Variants in TMED8 observed in about 807,000 individuals in gnomAD.
TMED8 encodes protein TMED8.
In TMED8, 15 loss-of-function variants were observed where a neutral mutation model predicts 32.7. The ratio of observed to expected loss-of-function variants is 0.46; its 90% CI spans 0.31 to 0.71. The LOEUF is 0.71. Ranked by LOEUF, TMED8 falls within the 30% of genes least tolerant of loss-of-function variation. The pLI, the probability that TMED8 is intolerant of heterozygous loss-of-function variation, is 0.06. For missense variants in TMED8, 390 were observed against 423.9 expected (o/e 0.92, Z 0.70); for synonymous variants, 147 against 161.4 (o/e 0.91, Z 0.68).
In TMED8 at chr14:77,351,766, A is replaced by G. The variant is rs1893185575; in HGVS notation, c.119-15T>C. On this transcript the variant is annotated splice_polypyrimidine_tract_variant and intron_variant, in intron 1 of 5. Transcript: ENST00000216468. Reference sequence around the variant, plus strand: ...ATCTTCATTCTCTAGAAAACCATAGAAAGAAAGAATTCAATATCTGAGAGG... The same window carrying G: ...ATCTTCATTCTCTAGAAAACCATAGGAAGAAAGAATTCAATATCTGAGAGG... 12 of 1,599,146 alleles carry G rather than the reference A, an allele frequency of 7.5e-6. No homozygotes were observed. The highest frequency in any genetic ancestry group is 1.7e-4 in the Middle Eastern group (1 of 5,984).
At chr14:77,352,409 C>T (rs1893200272) in intron 1 of TMED8, among the ~76,000 whole-genome samples, 2 of 134,024 alleles carry the variant, frequency 1.5e-5, no homozygotes, top group South Asian at 2.4e-4. Context: ...AGCAAAACTC[C>T]GTCTCAAAAA....
chr14:77,353,419 A>G (rs1287667828), intron 1 of TMED8, among the ~76,000 whole-genome samples: 6 of 144,664 alleles, frequency 4.1e-5, no homozygotes, highest in African/African-American at 1.5e-4. Context: ...AACAAGATCT[A>G]TTTTTCTTTT....
intron 1 of TMED8, among the ~76,000 whole-genome samples, chr14:77,367,489 T>C (rs1194959355): frequency 6.6e-6 from 1 of 152,076 alleles, no homozygotes; most frequent in Non-Finnish European, 1.5e-5. Flanking sequence ...CCTTGCTTTC[T>C]TTATAGCTGG....
chr14:77,361,603 T>C (rs1893436964), intron 1 of TMED8, among the ~76,000 whole-genome samples: 1 of 152,246 alleles, frequency 6.6e-6, no homozygotes, highest in African/African-American at 2.4e-5. Flanking sequence ...CTGTGAAGAA[T>C]GTCATTAGAA....
At chr14:77,354,886 A>G (rs1893256822) in intron 1 of TMED8, among the ~76,000 whole-genome samples, 2 of 152,056 alleles carry the variant, frequency 1.3e-5, no homozygotes, top group South Asian at 4.2e-4. Context: ...CCCTGGAGGA[A>G]GAGGTTGCAG....
At chr14:77,373,903 C>T (rs948363765) in intron 1 of TMED8, among the ~76,000 whole-genome samples, 1 of 152,182 alleles carries the variant, frequency 6.6e-6, no homozygotes, top group African/African-American at 2.4e-5. Flanking sequence ...CCTCCCGTCT[C>T]TCTCTCTCTC....
At chr14:77,363,356 C>T (rs532216827) in intron 1 of TMED8, among the ~76,000 whole-genome samples, 1 of 152,270 alleles carries the variant, frequency 6.6e-6, no homozygotes, top group South Asian at 2.1e-4. Flanking sequence ...TGCTCCTGAA[C>T]AACCAATAGA....
intron 1 of TMED8, among the ~76,000 whole-genome samples, chr14:77,361,274 G>A (rs191339804): frequency 8.5e-5 from 13 of 152,198 alleles, no homozygotes; most frequent in Admixed American, 6.5e-4. Flanking sequence ...GAGCCACCAC[G>A]CCCGGCCCAT....
At chr14:77,342,968 C>T (rs148467857) in intron 5 of TMED8, among the ~76,000 whole-genome samples, 66 of 152,190 alleles carry the variant, frequency 4.3e-4, no homozygotes, top group African/African-American at 1.4e-3. Context: ...AATGAGGTAC[C>T]GATAAGGAAA....
At chr14:77,360,406 C>CTT (rs936317278) in intron 1 of TMED8, among the ~76,000 whole-genome samples, 1 of 144,736 alleles carries the variant, frequency 6.9e-6, no homozygotes, top group Non-Finnish European at 1.5e-5. Flanking sequence ...GTGTACTTGA[C>CTT]TTTTTTTTTT....
intron 2 of TMED8, among the ~76,000 whole-genome samples, chr14:77,349,639 G>C (rs895737826): frequency 1.3e-5 from 2 of 152,110 alleles, no homozygotes; most frequent in African/African-American, 4.8e-5. Context: ...GTTTTCTGCT[G>C]AGAGGTTTCT....
Position 77,335,752 on chromosome 14 carries a change from A to G in TMED8, c.*6019T>C, listed in dbSNP as rs1407092554. ...AAGGGAAAATGGGTACACCAGATTC[A>G]TGGGTTACAGGATTGCTTTCTCTAG... On this transcript the variant is annotated 3_prime_UTR_variant, in exon 6 of 6. Coordinates refer to ENST00000216468, the MANE Select transcript of TMED8 (RefSeq NM_213601.3). The G allele has an allele frequency of 6.6e-6, 1 of 152,216 alleles. No individual in the cohort carries two copies. Among genetic ancestry groups the G allele is most frequent in the Non-Finnish European group, 1.5e-5 (1 of 68,032 alleles). The allele number at this position is 152,216 out of a possible 1,614,324, so 9.4% of individuals were successfully genotyped here.
chr14:77,344,455 C>G (rs1355702864), intron 3 of TMED8, among the ~76,000 whole-genome samples: 1 of 152,222 alleles, frequency 6.6e-6, no homozygotes, highest in African/African-American at 2.4e-5. Context: ...CCAGGACTTG[C>G]ATTTAAACAG....
chr14:77,343,189 T>A lies in TMED8; in HGVS notation c.749A>T (p.Glu250Val). Residue 250 changes from glutamate to valine, a missense_variant, in exon 5 of 6, where the codon GAA becomes GTA. Coordinates refer to ENST00000216468, the MANE Select transcript of TMED8 (RefSeq NM_213601.3). ...AAAATTAAATTTACCTTCAATCTCT[T>A]CCTCCTCTTCCTCTTCTTCATCCTC... ...DDEDEEEEEE[E>V]EIEEPVPAGD... The A allele has an allele frequency of 6.2e-7, 1 of 1,612,892 alleles. No individual in the cohort carries two copies. Among genetic ancestry groups the A allele is most frequent in the Non-Finnish European group, 8.5e-7 (1 of 1,179,056 alleles).
intron 2 of TMED8, among the ~76,000 whole-genome samples, chr14:77,350,315 C>T (rs929664576): frequency 1.3e-5 from 2 of 152,156 alleles, no homozygotes; most frequent in Non-Finnish European, 2.9e-5. Context: ...ACTTCCCCCA[C>T]TAGAACATAA....
chr14:77,369,925 G>A (rs561071707), intron 1 of TMED8, among the ~76,000 whole-genome samples: 49 of 152,138 alleles, frequency 3.2e-4, no homozygotes, highest in African/African-American at 1.2e-3. Flanking sequence ...TAAGGGAGGC[G>A]GAGGCGGGAG....
intron 3 of TMED8, 107 bp from the exon 4 acceptor site, chr14:77,343,930 C>T: frequency 8.4e-7 from 1 of 1,183,630 alleles, no homozygotes; most frequent in Non-Finnish European, 1.2e-6. Flanking sequence ...CCACTATCCC[C>T]ACTCAAAGCT....
Position 77,343,205 on chromosome 14 carries a change from C to G in TMED8, c.733G>C (p.Glu245Gln). Residue 245 changes from glutamate (E) to glutamine (Q), a missense_variant, in exon 5 of 6, where the codon GAA becomes CAA. Transcript: ENST00000216468. ...TCAATCTCTTCCTCCTCTTCCTCTT[C>G]TTCATCCTCATCGTCACTGGAATCA... ...VSDSSDDEDE[E>Q]EEEEEEIEEP... The G allele has an allele frequency of 6.2e-7, 1 of 1,614,102 alleles. No individual in the cohort carries two copies. The highest frequency in any genetic ancestry group is 1.1e-5 in the South Asian group (1 of 91,084).
At position 77,341,143 on chromosome 14, in the gene TMED8, T is replaced by C. The variant is rs1408279221; in HGVS notation, c.*628A>G. 1.3e-5 allele frequency: 2 copies of C among 152,658 alleles called. No homozygotes were observed. The highest frequency in any genetic ancestry group is 4.8e-5 in the African/African-American group (2 of 41,456). 9.5% of individuals were successfully genotyped at this position (152,658 alleles called of 1,614,324 possible). On this transcript the variant is annotated 3_prime_UTR_variant, in exon 6 of 6. Coordinates refer to ENST00000216468, the MANE Select transcript of TMED8 (RefSeq NM_213601.3). ...GATTGCATGAATGTTCTTGCTGTAA[T>C]GGCAAAAACATAGACTTAGGAAAGA... is the stretch of plus-strand genomic sequence containing the variant.
Sources: gnomAD v4.1 joint callset for allele counts (sites outside exome capture counted in the v4.1 genomes callset) on GRCh38, gnomAD v4.1.1 for gene constraint, MANE v1.5 for transcripts, NCBI Gene and HGNC (gene_info 2026-07-23, HGNC 2026-07-21) for gene names.